Variants in THRB observed in about 807,000 individuals in gnomAD.
The protein encoded by THRB is thyroid hormone receptor beta.
In THRB, 12 loss-of-function variants were observed where a neutral mutation model predicts 47.8. The observed-to-expected ratio is 0.25, with a 90% CI of 0.16 to 0.41. The LOEUF is 0.41. THRB is among the 10% of genes least tolerant of loss of function. THRB has a pLI of 1.00. For synonymous variants in THRB, 218 were observed against 212.2 expected (o/e 1.03, Z -0.24); for missense variants, 348 against 589.2 (o/e 0.59, Z 4.24).
chr3:24,137,774 G>T (rs1275626977), intron 8 of THRB, among the ~76,000 whole-genome samples: 1 of 152,168 alleles, frequency 6.6e-6, no homozygotes, highest in African/African-American at 2.4e-5. Flanking sequence ...TGACACGATG[G>T]TTACTGCATG....
At chr3:24,189,119 T>C (rs2043014765) in intron 5 of THRB, among the ~76,000 whole-genome samples, 1 of 152,014 alleles carries the variant, frequency 6.6e-6, no homozygotes, top group African/African-American at 2.4e-5. Context: ...TGTGTATATG[T>C]TCAAAGTAGA....
intron 1 of THRB, among the ~76,000 whole-genome samples, chr3:24,345,979 A>C (rs1381186030): frequency 6.6e-6 from 1 of 151,954 alleles, no homozygotes; most frequent in Admixed American, 6.6e-5. Context: ...AATAAAGTTA[A>C]TAAAGCAGAC....
chr3:24,432,936 G>A (rs1172538965), intron 1 of THRB, among the ~76,000 whole-genome samples: 1 of 151,840 alleles, frequency 6.6e-6, no homozygotes, highest in Non-Finnish European at 1.5e-5. Flanking sequence ...TCCTATAATG[G>A]TTTATATTTT....
At chr3:24,427,845 G>A (rs186620149) in intron 1 of THRB, among the ~76,000 whole-genome samples, 2 of 152,070 alleles carry the variant, frequency 1.3e-5, no homozygotes, top group Admixed American at 1.3e-4. Context: ...AGAAGATTTG[G>A]TTAGTCTTAT....
intron 5 of THRB, among the ~76,000 whole-genome samples, chr3:24,155,131 T>C (rs2037619111): frequency 6.6e-6 from 1 of 152,168 alleles, no homozygotes; most frequent in Admixed American, 6.5e-5. Context: ...AGTTCAACAA[T>C]TTATGTAGAT....
At chr3:24,293,412 C>G (rs1487704643) in intron 3 of THRB, among the ~76,000 whole-genome samples, 1 of 152,142 alleles carries the variant, frequency 6.6e-6, no homozygotes, top group African/African-American at 2.4e-5. Flanking sequence ...AAAACTCTAG[C>G]TCATTATGGT....
At chr3:24,161,544 T>A (rs1027289241) in intron 5 of THRB, among the ~76,000 whole-genome samples, 2 of 150,300 alleles carry the variant, frequency 1.3e-5, no homozygotes, top group Non-Finnish European at 3.0e-5. Context: ...GAAAGAAACA[T>A]TCCCCAATTT....
chr3:24,408,391 T>G (rs935723616), intron 1 of THRB, among the ~76,000 whole-genome samples: 8 of 151,868 alleles, frequency 5.3e-5, no homozygotes, highest in Admixed American at 2.0e-4. Flanking sequence ...TCAGAATGAA[T>G]GAAACAATAT....
At chr3:24,412,944 C>T (rs1193913842) in intron 1 of THRB, among the ~76,000 whole-genome samples, 2 of 151,560 alleles carry the variant, frequency 1.3e-5, no homozygotes, top group Admixed American at 6.6e-5. Context: ...CTAGGAAATA[C>T]AAATTTAAAT....
intron 1 of THRB, among the ~76,000 whole-genome samples, chr3:24,426,624 CAGAACACTGAATTGATT>C (rs1408955074): frequency 1.3e-5 from 2 of 151,930 alleles, no homozygotes; most frequent in Non-Finnish European, 2.9e-5. Flanking sequence ...TCTCACAAAG[CAGAACACTGAATTGATT>C]TTTAGATTAA....
intron 1 of THRB, among the ~76,000 whole-genome samples, chr3:24,452,969 C>A (rs199669689): frequency 2.5e-3 from 2 of 802 alleles, no homozygotes; most frequent in African/African-American, 3.2e-3. Context: ...AGCCCGACAT[C>A]TCTCCACTCA....
chr3:24,477,007 A>ATTTTTTTTTTTTTT (rs558247174), intron 1 of THRB, among the ~76,000 whole-genome samples: 1 of 126,490 alleles, frequency 7.9e-6, no homozygotes, highest in African/African-American at 3.1e-5. Flanking sequence ...GGTTTTCAAG[A>ATTTTTTTTTTTTTT]TTTTTTTTTT....
At chr3:24,192,088 A>G (rs957418540) in intron 4 of THRB, among the ~76,000 whole-genome samples, 6 of 152,182 alleles carry the variant, frequency 3.9e-5, no homozygotes, top group African/African-American at 1.4e-4. Flanking sequence ...TGGTAAATCA[A>G]AAAGGTGTGG....
intron 3 of THRB, among the ~76,000 whole-genome samples, chr3:24,244,620 C>T (rs2150294908): frequency 6.6e-6 from 1 of 152,242 alleles, no homozygotes; most frequent in South Asian, 2.1e-4. Context: ...TGAAACTGAA[C>T]TTTGACACTT....
intron 3 of THRB, among the ~76,000 whole-genome samples, chr3:24,276,789 T>G (rs1192370402): frequency 6.6e-6 from 1 of 151,730 alleles, no homozygotes. Flanking sequence ...CTGCTGGGAG[T>G]GGGTAGGGGA....
intron 5 of THRB, among the ~76,000 whole-genome samples, chr3:24,153,644 G>A (rs778818953): frequency 2.7e-4 from 41 of 152,150 alleles, no homozygotes; most frequent in Admixed American, 5.9e-4. Context: ...TTCCTGTGGA[G>A]AGGATGCCCA....
At chr3:24,486,356 G>A (rs942227291) in intron 1 of THRB, 1 of 152,080 alleles carries the variant, frequency 6.6e-6, no homozygotes, top group Non-Finnish European at 1.5e-5. Context: ...TCATCCATAC[G>A]ACAAGAATTT....
intron 5 of THRB, among the ~76,000 whole-genome samples, chr3:24,176,355 T>G (rs2041151232): frequency 6.6e-6 from 1 of 152,194 alleles, no homozygotes; most frequent in Admixed American, 6.5e-5. Context: ...GGAATAATTT[T>G]GACATTTAAC....
chr3:24,200,236 G>A (rs933154882), intron 4 of THRB, among the ~76,000 whole-genome samples: 1 of 152,114 alleles, frequency 6.6e-6, no homozygotes, highest in Non-Finnish European at 1.5e-5. Context: ...TATTCTTGAT[G>A]CCAGTCTGAA....
Sources: allele counts gnomAD v4.1 joint callset (sites outside exome capture counted in the v4.1 genomes callset), GRCh38; gene constraint gnomAD v4.1.1; transcripts MANE v1.5; gene names NCBI Gene and HGNC (gene_info 2026-07-23, HGNC 2026-07-21).